The following MIPOL1 variants were observed in gnomAD, a reference collection of about 807,000 sequenced individuals.
MIPOL1 encodes the protein mirror-image polydactyly gene 1 protein.
In MIPOL1, 57 loss-of-function variants were observed where a neutral mutation model predicts 60.9. That is an observed-to-expected ratio of 0.94 (90% CI 0.76 to 1.17). The LOEUF (loss-of-function observed/expected upper bound fraction) is 1.17. MIPOL1 is among the 50% of genes most tolerant of loss of function. The pLI is 0.00. For missense variants in MIPOL1, 551 were observed against 511.6 expected (o/e 1.08, Z -0.74); for synonymous variants, 179 against 168.8 (o/e 1.06, Z -0.47).
chr14:37,323,845 G>A (rs1334738720), intron 9 of MIPOL1, among the ~76,000 whole-genome samples: 2 of 151,818 alleles, frequency 1.3e-5, no homozygotes, highest in Non-Finnish European at 2.9e-5. Context: ...AGAATTTTAT[G>A]TAAGTGGTAT....
chr14:37,393,405 TG>T (rs2093297149), intron 10 of MIPOL1, among the ~76,000 whole-genome samples: 3 of 100 alleles, frequency 0.03, no homozygotes, highest in African/African-American at 0.05. Context: ...GTTTTGTTTT[TG>T]TGTGTGTGTG....
chr14:37,292,156 A>G (rs2085132053), intron 7 of MIPOL1, among the ~76,000 whole-genome samples: 1 of 151,790 alleles, frequency 6.6e-6, no homozygotes, highest in Non-Finnish European at 1.5e-5. Context: ...CTATCTCTGG[A>G]CCTCATGATC....
intron 12 of MIPOL1, among the ~76,000 whole-genome samples, chr14:37,524,559 C>CTTTTTTTTTTTTT (rs1171387928): frequency 5.4e-5 from 1 of 18,500 alleles, no homozygotes; most frequent in Non-Finnish European, 9.0e-5. Context: ...CTTAATTTTT[C>CTTTTTTTTTTTTT]TTTTTCTTTT....
At chr14:37,285,601 T>C (rs1256096331) in intron 7 of MIPOL1, among the ~76,000 whole-genome samples, 154 bp downstream of exon 7, 1 of 151,790 alleles carries the variant, frequency 6.6e-6, no homozygotes, top group Non-Finnish European at 1.5e-5. Context: ...CTTTTCTTTT[T>C]TTTTTTTTGA....
At chr14:37,531,775 C>A (rs2095481028) in intron 12 of MIPOL1, among the ~76,000 whole-genome samples, 1 of 152,062 alleles carries the variant, frequency 6.6e-6, no homozygotes, top group Non-Finnish European at 1.5e-5. Flanking sequence ...AATTGTTCTA[C>A]TAATTAAGAT....
At chr14:37,529,588 A>G (rs117165743) in intron 12 of MIPOL1, among the ~76,000 whole-genome samples, 3 of 152,306 alleles carry the variant, frequency 2.0e-5, no homozygotes, top group Non-Finnish European at 2.9e-5. Context: ...TTATTATTTC[A>G]TAGAGTAGGA....
chr14:37,463,632 A>G (rs2094565453), intron 11 of MIPOL1, among the ~76,000 whole-genome samples: 1 of 152,202 alleles, frequency 6.6e-6, no homozygotes, highest in Non-Finnish European at 1.5e-5. Context: ...AGATTTAAAC[A>G]TAAGATCTGA....
chr14:37,522,636 G>A (rs890242134), intron 12 of MIPOL1, among the ~76,000 whole-genome samples: 3 of 152,090 alleles, frequency 2.0e-5, no homozygotes, highest in Non-Finnish European at 4.4e-5. Flanking sequence ...TCCCATCTCT[G>A]TGAAGTAGTT....
intron 7 of MIPOL1, among the ~76,000 whole-genome samples, chr14:37,286,209 G>A (rs1425000610): frequency 6.6e-6 from 1 of 152,078 alleles, no homozygotes; most frequent in East Asian, 1.9e-4. Flanking sequence ...ACTTGAATAG[G>A]GTGGAGCCTA....
chr14:37,529,015 C>T (rs1423944731), intron 12 of MIPOL1, among the ~76,000 whole-genome samples: 1 of 152,058 alleles, frequency 6.6e-6, no homozygotes, highest in Non-Finnish European at 1.5e-5. Flanking sequence ...ACATAGCATT[C>T]GAAGTACTAT....
intron 7 of MIPOL1, among the ~76,000 whole-genome samples, chr14:37,296,592 A>G (rs2085717631): frequency 6.6e-6 from 1 of 152,214 alleles, no homozygotes; most frequent in Non-Finnish European, 1.5e-5. Flanking sequence ...AGAAGAATCA[A>G]ATAGACACAA....
intron 1 of MIPOL1, among the ~76,000 whole-genome samples, chr14:37,229,895 G>A (rs563833794): frequency 1.8e-4 from 28 of 152,256 alleles, no homozygotes; most frequent in Middle Eastern, 6.8e-3. Context: ...GAAGATGATG[G>A]TTATCAGGGG....
intron 6 of MIPOL1, among the ~76,000 whole-genome samples, chr14:37,273,264 G>A (rs926421379): frequency 6.6e-6 from 1 of 150,552 alleles, no homozygotes; most frequent in African/African-American, 2.4e-5. Context: ...AATGTTGGTG[G>A]TCTTTAAGTG....
intron 9 of MIPOL1, among the ~76,000 whole-genome samples, chr14:37,346,889 A>G (rs182737955): frequency 1.3e-5 from 2 of 152,342 alleles, no homozygotes; most frequent in Non-Finnish European, 2.9e-5. Context: ...TGGCCAAGAC[A>G]TAGCAAAGGG....
rs537372073 is a variant in MIPOL1, at chr14:37,205,262, C to T, written c.-199+7158C>T. Among the ~76,000 whole-genome samples, 37 of 152,040 alleles carry T rather than the reference C, an allele frequency of 2.4e-4. No homozygotes were observed. In the East Asian group the frequency reaches 2.7e-3, roughly 11 times the overall value. On this transcript the variant is annotated intron_variant, in intron 1 of 12. Transcript: ENST00000684589. ...GGATTACAGGCATGCACTACCACGC[C>T]CAGCTAATTTTTTGTATTTTTAGTA...
chr14:37,305,719 T>G (rs951841044), intron 7 of MIPOL1, among the ~76,000 whole-genome samples: 1 of 151,922 alleles, frequency 6.6e-6, no homozygotes, highest in African/African-American at 2.4e-5. Flanking sequence ...GAAAGTTACT[T>G]GCATCTATGC....
chr14:37,459,488 G>A (rs1408315038), intron 11 of MIPOL1, among the ~76,000 whole-genome samples: 3 of 152,052 alleles, frequency 2.0e-5, no homozygotes, highest in African/African-American at 7.2e-5. Flanking sequence ...ACCCTGATCA[G>A]ACCTGTAATG....
intron 11 of MIPOL1, among the ~76,000 whole-genome samples, chr14:37,487,195 G>T (rs4900906): frequency 0.73 from 111,136 of 151,998 alleles, 40,784 homozygotes; most frequent in East Asian, 0.85. Flanking sequence ...CGACTTGATC[G>T]TGGTGGATAA....
chr14:37,354,264 C>T (rs1004931147), intron 9 of MIPOL1, among the ~76,000 whole-genome samples: 1 of 150,302 alleles, frequency 6.7e-6, no homozygotes, highest in Non-Finnish European at 1.5e-5. Flanking sequence ...GCACTGTGGT[C>T]TGAGAGATAG....
Sources: gnomAD v4.1 joint callset for allele counts (sites outside exome capture counted in the v4.1 genomes callset) on GRCh38, gnomAD v4.1.1 for gene constraint, MANE v1.5 for transcripts, NCBI Gene and HGNC (gene_info 2026-07-23, HGNC 2026-07-21) for gene names.